SGCZ: variants seen among roughly 807,000 people sequenced by gnomAD.
The protein encoded by SGCZ is sarcoglycan zeta, also known as zeta-sarcoglycan.
Under a neutral mutation model 41.3 loss-of-function variants are expected in SGCZ, and 40 were observed. The observed-to-expected ratio is 0.97, with a 90% CI of 0.75 to 1.26. The LOEUF is 1.26. Ranked by LOEUF, SGCZ falls within the 50% of genes most tolerant of loss-of-function variation. The pLI, the probability that SGCZ is intolerant of heterozygous loss-of-function variation, is 0.00. For missense variants in SGCZ, 552 were observed against 369.8 expected (o/e 1.49, Z -4.04); for synonymous variants, 206 against 137.5 (o/e 1.50, Z -3.49).
intron 1 of SGCZ, among the ~76,000 whole-genome samples, chr8:14,651,179 C>G (rs1177806677): frequency 1.3e-5 from 2 of 151,890 alleles, no homozygotes; most frequent in East Asian, 3.9e-4. Context: ...TAAATATACA[C>G]TATGAGATAA....
At chr8:14,836,133 C>G (rs985724777) in intron 1 of SGCZ, among the ~76,000 whole-genome samples, 1 of 152,024 alleles carries the variant, frequency 6.6e-6, no homozygotes, top group Non-Finnish European at 1.5e-5. Flanking sequence ...CCACACCTCC[C>G]CTCCCACCTG....
intron 1 of SGCZ, among the ~76,000 whole-genome samples, chr8:14,740,539 C>G (rs1799171691): frequency 6.6e-6 from 1 of 152,030 alleles, no homozygotes; most frequent in South Asian, 2.1e-4. Flanking sequence ...TGAATGTCCA[C>G]TAATGATGTC....
Position 15,115,688 on chromosome 8 carries a change from G to A in SGCZ, c.39+121897C>T, listed in dbSNP as rs375920392. On this transcript the variant is annotated intron_variant, in intron 1 of 7. Transcript: ENST00000382080. ...GAGAAAATAATTCTTAATATGTTCT[G>A]GATTCAGATGTTCCATTGTGCAAAT... Among the ~76,000 whole-genome samples, 13 of 152,246 alleles carry A rather than the reference G, an allele frequency of 8.5e-5. 2 individuals carry two copies. Among genetic ancestry groups the A allele is most frequent in the Admixed American group, 3.3e-4 (5 of 15,302 alleles).
At chr8:15,159,407 C>G (rs1475109715) in intron 1 of SGCZ, among the ~76,000 whole-genome samples, 1 of 152,160 alleles carries the variant, frequency 6.6e-6, no homozygotes, top group Non-Finnish European at 1.5e-5. Context: ...GTCATGGGAA[C>G]TCTGACTTGA....
intron 4 of SGCZ, among the ~76,000 whole-genome samples, chr8:14,190,439 G>A (rs768485712): frequency 5.9e-5 from 9 of 151,266 alleles, no homozygotes; most frequent in Non-Finnish European, 1.3e-4. Context: ...TTATTGATAC[G>A]TCTATCAACA....
chr8:14,214,935 C>G (rs946133822), intron 4 of SGCZ, among the ~76,000 whole-genome samples: 3 of 152,048 alleles, frequency 2.0e-5, no homozygotes, highest in African/African-American at 7.2e-5. Flanking sequence ...ACTTCAATAC[C>G]ACACTTGCAG....
intron 1 of SGCZ, among the ~76,000 whole-genome samples, chr8:15,154,315 A>C (rs899707078): frequency 6.6e-6 from 1 of 152,250 alleles, no homozygotes; most frequent in African/African-American, 2.4e-5. Flanking sequence ...CACCTAAAGC[A>C]GCAGACCCTA....
rs1042955368 is a variant in SGCZ, at chr8:14,087,414, G to A, written c.*3029C>T. Reference sequence around the variant, plus strand: ...CCAAACCTGAATTCAGATACATCTCGGTTTATCCATTCCTGGCAAATAACT... The same window carrying A: ...CCAAACCTGAATTCAGATACATCTCAGTTTATCCATTCCTGGCAAATAACT... On this transcript the variant is annotated 3_prime_UTR_variant, in exon 8 of 8. Coordinates refer to ENST00000382080, the MANE Select transcript of SGCZ (RefSeq NM_139167.4). Among the ~76,000 whole-genome samples the A allele has an allele frequency of 1.3e-5, 2 of 151,186 alleles. No individual in the cohort carries two copies. The highest frequency in any genetic ancestry group is 3.0e-5 in the Non-Finnish European group (2 of 67,588).
chr8:14,102,076 TTATA>T (rs55667194), intron 7 of SGCZ, among the ~76,000 whole-genome samples: 2,800 of 119,826 alleles, frequency 0.023, 54 homozygotes, highest in Middle Eastern at 0.07. Flanking sequence ...TTGGCTAACT[TTATA>T]TATATATATA....
intron 4 of SGCZ, among the ~76,000 whole-genome samples, chr8:14,218,704 A>G (rs1440933395): frequency 2.0e-5 from 3 of 152,186 alleles, no homozygotes; most frequent in African/African-American, 7.2e-5. Context: ...GATGTTAGAG[A>G]GCAAACTCCG....
chr8:14,966,116 G>A (rs1346201563), intron 1 of SGCZ, among the ~76,000 whole-genome samples: 4 of 151,680 alleles, frequency 2.6e-5, no homozygotes, highest in Non-Finnish European at 5.9e-5. Context: ...TATAAGAAAG[G>A]CTTTAGAATA....
At chr8:14,563,277 G>T (rs149936450) in intron 1 of SGCZ, among the ~76,000 whole-genome samples, 65 of 152,276 alleles carry the variant, frequency 4.3e-4, no homozygotes, top group African/African-American at 1.5e-3. Flanking sequence ...CATTCCTTCA[G>T]TGAGGTTTTA....
chr8:14,094,133 CT>C (rs1463412958), intron 7 of SGCZ, among the ~76,000 whole-genome samples: 1 of 151,832 alleles, frequency 6.6e-6, no homozygotes, highest in Non-Finnish European at 1.5e-5. Context: ...TAGAAAAACC[CT>C]TTTTTTAAAA....
chr8:14,817,576 T>G (rs1019569316), intron 1 of SGCZ, among the ~76,000 whole-genome samples: 1 of 152,168 alleles, frequency 6.6e-6, no homozygotes, highest in Non-Finnish European at 1.5e-5. Flanking sequence ...CCATTGTCAC[T>G]ATACCACATT....
chr8:15,139,932 A>G (rs1217705862), intron 1 of SGCZ, among the ~76,000 whole-genome samples: 1 of 152,170 alleles, frequency 6.6e-6, no homozygotes, highest in Non-Finnish European at 1.5e-5. Context: ...CTGATTCTAT[A>G]CTAGAGTACC....
chr8:14,484,044 T>G (rs900624680), intron 2 of SGCZ, among the ~76,000 whole-genome samples: 1 of 152,170 alleles, frequency 6.6e-6, no homozygotes, highest in Admixed American at 6.5e-5. Flanking sequence ...CTGGAAAATA[T>G]GCCACTTTAT....
chr8:14,772,186 G>A (rs187530090), intron 1 of SGCZ, among the ~76,000 whole-genome samples: 20 of 152,180 alleles, frequency 1.3e-4, no homozygotes, highest in Admixed American at 1.0e-3. Context: ...GTAAGTGTTC[G>A]GAACACATTT....
intron 1 of SGCZ, among the ~76,000 whole-genome samples, chr8:14,993,628 A>G (rs1802102888): frequency 6.6e-6 from 1 of 152,210 alleles, no homozygotes; most frequent in Non-Finnish European, 1.5e-5. Flanking sequence ...ATTTGAGCAA[A>G]GACAAGAAGT....
At chr8:15,165,350 T>G (rs1799634082) in intron 1 of SGCZ, among the ~76,000 whole-genome samples, 1 of 152,196 alleles carries the variant, frequency 6.6e-6, no homozygotes, top group East Asian at 1.9e-4. Context: ...TGTGGAACCT[T>G]TCAGTTCACG....
Sources: gnomAD v4.1 joint callset for allele counts (sites outside exome capture counted in the v4.1 genomes callset) on GRCh38, gnomAD v4.1.1 for gene constraint, MANE v1.5 for transcripts, NCBI Gene and HGNC (gene_info 2026-07-23, HGNC 2026-07-21) for gene names.